Variants in NUCB2 observed in about 807,000 individuals in gnomAD.
NUCB2 encodes the protein nucleobindin-2.
A neutral mutation model predicts 57.9 loss-of-function variants in NUCB2; 48 were observed. The observed-to-expected ratio is 0.83, with a 90% CI of 0.66 to 1.05. The LOEUF (loss-of-function observed/expected upper bound fraction) is 1.05. NUCB2 is among the 50% of genes least tolerant of loss of function. The pLI, the probability that NUCB2 is intolerant of heterozygous loss-of-function variation, is 0.00. For missense variants in NUCB2, 442 were observed against 476.2 expected, an observed-to-expected ratio of 0.93 and a Z score of 0.67; for synonymous variants, 139 against 152.1, an observed-to-expected ratio of 0.91 and a Z score of 0.64.
At chr11:17,286,557 A>G (rs971445438) in intron 2 of NUCB2, 3 of 152,162 alleles carry the variant, frequency 2.0e-5, no homozygotes, top group African/African-American at 7.2e-5. Flanking sequence ...CCTACTTTAG[A>G]GAGTAAATTA....
chr11:17,317,302 G>GTA (rs1949382011), intron 11 of NUCB2, among the ~76,000 whole-genome samples: 1 of 151,844 alleles, frequency 6.6e-6, no homozygotes, highest in African/African-American at 2.4e-5. Flanking sequence ...TATATGTTAT[G>GTA]TATATATATA....
rs16933981 is a variant in NUCB2 at position 17,345,284 on chromosome 11, T to A, written n.2627-4061T>A. ...CCATATTTTACCAATATTAATTATG[T>A]CTTAGAACCATTTAAGAATGATGGT... On this transcript the variant is annotated intron_variant and non_coding_transcript_variant, in intron 2 of 2. Transcript: ENST00000532240. 1.4e-3 allele frequency among the ~76,000 whole-genome samples: 207 copies of A among 152,330 alleles called. 1 individual carries two copies. Among genetic ancestry groups the A allele is most frequent in the African/African-American group, 4.8e-3 (201 of 41,566 alleles).
At chr11:17,333,744 G>A (rs1951590160), downstream of NUCB2, 1 of 152,206 alleles carries the variant, frequency 6.6e-6, no homozygotes, top group Non-Finnish European at 1.5e-5. Flanking sequence ...GAAAGTTTTA[G>A]TAGCTCCCTC....
chr11:17,327,721 T>A (rs1476287126), intron 11 of NUCB2, among the ~76,000 whole-genome samples: 2 of 152,114 alleles, frequency 1.3e-5, no homozygotes, highest in African/African-American at 4.8e-5. Context: ...CTCCGATGCA[T>A]TCTTCAGCGT....
rs747767866 is a variant in NUCB2, at chr11:17,311,272, T to C, written c.749T>C (p.Phe250Ser). ...DPNDFDPKTF[F>S]KLHDVNSDGF... ...AATGACTTTGACCCCAAGACATTTT[T>C]CAAATTACATGGTAACGATTTGATA... is the stretch of plus-strand genomic sequence containing the variant. Residue 250 changes from phenylalanine (F) to serine (S), a missense_variant, in exon 8 of 14, where the codon TTC (phenylalanine) becomes TCC (serine). Phe to Ser is a radical substitution (Grantham distance 155). Transcript: ENST00000529010. The C allele has an allele frequency of 3.8e-5, 60 of 1,597,872 alleles. No individual in the cohort carries two copies. Among genetic ancestry groups the C allele is most frequent in the Non-Finnish European group, 4.9e-5 (57 of 1,168,334 alleles).
At chr11:17,308,647 A>G (rs949566734) in intron 5 of NUCB2, among the ~76,000 whole-genome samples, 1 of 152,240 alleles carries the variant, frequency 6.6e-6, no homozygotes, top group East Asian at 1.9e-4. Flanking sequence ...TCCACTGTGT[A>G]TCCATTACAT....
chr11:17,330,169 G>A lies in NUCB2; in HGVS notation c.1045G>A (p.Glu349Lys). The A allele has an allele frequency of 6.3e-7, 1 of 1,578,778 alleles. No individual in the cohort carries two copies. Among genetic ancestry groups the A allele is most frequent in the Non-Finnish European group, 8.7e-7 (1 of 1,153,588 alleles). Residue 349 changes from glutamate (E) to lysine (K), a missense_variant, in exon 12 of 14, where the codon GAA becomes AAA. Glu to Lys is a moderately conservative substitution (Grantham distance 56, BLOSUM62 1). Coordinates refer to ENST00000529010, the MANE Select transcript of NUCB2 (RefSeq NM_005013.4). The surrounding 1 kb of genome is among the most constrained non-coding windows in gnomAD (Gnocchi z 4.3). ...GTTCTTCACAGAGGAAGAACTAAAAGAATATGAAAATATTATTGCTTTACA... is the reference window on the plus strand; with the variant it reads ...GTTCTTCACAGAGGAAGAACTAAAAAAATATGAAAATATTATTGCTTTACA... Reference protein sequence around the residue: ...QQFFTEEELKEYENIIALQEN... With the variant: ...QQFFTEEELKKYENIIALQEN...
At chr11:17,300,059 G>A (rs968442192) in intron 4 of NUCB2, among the ~76,000 whole-genome samples, 29 of 151,768 alleles carry the variant, frequency 1.9e-4, no homozygotes, top group African/African-American at 7.0e-4. Flanking sequence ...CGCCCAGGCT[G>A]CAGTGCAGTG....
intron 2 of NUCB2, among the ~76,000 whole-genome samples, chr11:17,294,446 G>A (rs1007318311): frequency 1.3e-4 from 20 of 152,168 alleles, no homozygotes; most frequent in African/African-American, 4.1e-4. Flanking sequence ...ATTTTATGAC[G>A]TGAAGTATAT....
At chr11:17,298,768 G>T (rs1946246670) in intron 4 of NUCB2, among the ~76,000 whole-genome samples, 1 of 150,512 alleles carries the variant, frequency 6.6e-6, no homozygotes, top group Non-Finnish European at 1.5e-5. Flanking sequence ...ATGCAATCTT[G>T]GCTCACTGCT....
rs745992160 is a variant in NUCB2 at position 17,309,652 on chromosome 11, G to A, written c.460G>A (p.Asp154Asn). The change falls in exon 6 of 14, where the codon GAT becomes AAT. Residue 154 changes from aspartate (D) to asparagine (N), a missense_variant. Physicochemically the swap from Asp to Asn is conservative, Grantham distance 23. Coordinates refer to ENST00000529010, the MANE Select transcript of NUCB2 (RefSeq NM_005013.4). The stretch of plus-strand genomic sequence containing the variant: ...GAATCCTGACAAGTTTGAATCCACA[G>A]ATTTAGATATGCTAATCAAAGCGGT... ...HLNPDKFEST[D>N]LDMLIKAATS... 1 of 1,602,048 alleles carries A rather than the reference G, an allele frequency of 6.2e-7. No homozygotes were observed. Among genetic ancestry groups the A allele is most frequent in the Non-Finnish European group, 8.5e-7 (1 of 1,175,774 alleles).
chr11:17,336,988 TG>T (rs1951871709), downstream of NUCB2, among the ~76,000 whole-genome samples: 1 of 152,070 alleles, frequency 6.6e-6, no homozygotes, highest in Admixed American at 6.6e-5. Flanking sequence ...TCATCCAGGC[TG>T]GAGTACAGTG....
intron 4 of NUCB2, among the ~76,000 whole-genome samples, chr11:17,298,435 G>A (rs931873040): frequency 1.3e-5 from 2 of 151,940 alleles, no homozygotes; most frequent in African/African-American, 4.8e-5. Context: ...AGATGTGGTG[G>A]TGTGTGCCTG....
Position 17,290,357 on chromosome 11 carries a change from T to G in NUCB2, c.1-4967T>G, listed in dbSNP as rs548455524. Among the ~76,000 whole-genome samples, 7 of 152,348 alleles carry G rather than the reference T, an allele frequency of 4.6e-5. No individual in the cohort carries two copies. The South Asian group carries it at 1.4e-3, about 32-fold the overall frequency. On this transcript the variant is annotated intron_variant, in intron 2 of 13. Coordinates refer to ENST00000529010, the MANE Select transcript of NUCB2 (RefSeq NM_005013.4). ...TAATAACTATAATAAAGTTCATGCA[T>G]GTACACATAACAAAGACTATGTTGC...
chr11:17,293,146 C>T (rs1361862722), intron 2 of NUCB2, among the ~76,000 whole-genome samples: 2 of 150,694 alleles, frequency 1.3e-5, no homozygotes, highest in Non-Finnish European at 2.9e-5. Flanking sequence ...CCCAGCTACT[C>T]GGGAGGCTGA....
intron 2 of NUCB2, among the ~76,000 whole-genome samples, chr11:17,343,106 G>A (rs1174103218): frequency 4.6e-5 from 7 of 151,862 alleles, no homozygotes; most frequent in African/African-American, 1.5e-4. Flanking sequence ...TTGGTTTAAA[G>A]TCTGTTTTAT....
At chr11:17,327,400 A>G (rs1950827326) in intron 11 of NUCB2, among the ~76,000 whole-genome samples, 1 of 152,126 alleles carries the variant, frequency 6.6e-6, no homozygotes, top group Non-Finnish European at 1.5e-5. Context: ...TAGTTTGATT[A>G]TTAAATGCCA....
chr11:17,339,243 C>T (rs1952051234), intron 2 of NUCB2, among the ~76,000 whole-genome samples: 1 of 152,054 alleles, frequency 6.6e-6, no homozygotes, highest in Non-Finnish European at 1.5e-5. Context: ...CTGCCTCAGC[C>T]TCCCAAAGTG....
intron 5 of NUCB2, among the ~76,000 whole-genome samples, chr11:17,304,471 G>A (rs1947292597): frequency 6.6e-6 from 1 of 152,090 alleles, no homozygotes; most frequent in Non-Finnish European, 1.5e-5. Context: ...TGGGATTACA[G>A]GCATTAGCCA....
Sources: allele counts gnomAD v4.1 joint callset (sites outside exome capture counted in the v4.1 genomes callset), GRCh38; gene constraint gnomAD v4.1.1; non-coding constraint Gnocchi (gnomAD v3.1); transcripts MANE v1.5; gene names NCBI Gene and HGNC (gene_info 2026-07-23, HGNC 2026-07-21).